The following RASSF5 variants were observed in gnomAD, a reference collection of about 807,000 sequenced individuals.
RASSF5 encodes Ras association domain family member 5.
A neutral mutation model predicts 40.5 loss-of-function variants in RASSF5; 25 were observed. That is an observed-to-expected ratio of 0.62 (90% CI 0.45 to 0.86). The LOEUF is 0.86. Ranked by LOEUF, RASSF5 falls within the 40% of genes least tolerant of loss-of-function variation. RASSF5 has a pLI of 0.00. For synonymous variants in RASSF5, 246 were observed against 252.4 expected (o/e 0.97, Z 0.24); for missense variants, 521 against 572.8 (o/e 0.91, Z 0.92).
chr1:206,556,641 G>A (rs1667994604), intron 2 of RASSF5, among the ~76,000 whole-genome samples: 1 of 152,218 alleles, frequency 6.6e-6, no homozygotes, highest in Non-Finnish European at 1.5e-5. Flanking sequence ...CTATGGGTGG[G>A]AAGGCAGCTT....
rs1320988501 is a variant in RASSF5 at position 206,588,116 on chromosome 1, C to G, written c.*1138C>G. The G allele has an allele frequency of 6.5e-6, 1 of 152,800 alleles. No homozygotes were observed. The highest frequency in any genetic ancestry group is 1.5e-5 in the Non-Finnish European group (1 of 68,064). The allele number at this position is 152,800 out of a possible 1,614,324, so 9.5% of individuals were successfully genotyped here. ...GGAGAGCCGGTGGGCCTGGCCTCCC[C>G]GTCGACCTCAGTGCCTTTTTGTTTT... On this transcript the variant is annotated 3_prime_UTR_variant, in exon 6 of 6. Coordinates refer to ENST00000579436, the MANE Select transcript of RASSF5 (RefSeq NM_182663.4).
rs782715688 is a variant in RASSF5, at chr1:206,535,722, GTGT to G, written c.458-2449_458-2447del. Among the ~76,000 whole-genome samples, 1 of 45,388 alleles carries G rather than the reference GTGT, an allele frequency of 2.2e-5. No homozygotes were observed. The highest frequency in any genetic ancestry group is 6.6e-5 in the Non-Finnish European group (1 of 15,166). The allele number at this position is 45,388 out of a possible 152,430, so 29.8% of individuals were successfully genotyped here. A position where few individuals can be genotyped will look rare whatever the true frequency, so the allele number is the denominator to read the frequency against. ...GTGTGTCTGTGTGTGTGTGGTGTGT[GTGT>G]GTGTGTGTGTGTGTGTGTGAGAGAG... On this transcript the variant is annotated intron_variant, in intron 1 of 5. Transcript: ENST00000579436. The surrounding 1 kb of genome is among the most constrained non-coding windows in gnomAD (Gnocchi z 5.0).
rs557108539 is a variant in RASSF5 at position 206,507,715 on chromosome 1, C to A, written c.113C>A (p.Pro38His). The change falls in exon 1 of 6, where the codon CCC (proline) becomes CAC (histidine). Residue 38 changes from proline to histidine, a missense_variant. Physicochemically the swap from Pro to His is moderately conservative, Grantham distance 77. Around this residue, in one of 2 missense-constraint regions of RASSF5, gnomAD observed 237 missense variants for 212.0 expected, o/e 1.12. Coordinates refer to ENST00000579436, the MANE Select transcript of RASSF5 (RefSeq NM_182663.4). ...LSGPELPPPP[P>H]DRSSRLCVPA... is the part of the protein sequence containing the mutation. ...GGCCCCGAGCTACCGCCGCCGCCCC[C>A]CGACCGGTCCTCGCGCCTCTGTGTC... 12 of 1,486,834 alleles carry A rather than the reference C, an allele frequency of 8.1e-6. 1 individual carries two copies. The South Asian group carries it at 1.3e-4, about 16-fold the overall frequency. The allele number at this position is 1,486,834 out of a possible 1,614,324, so 92.1% of individuals were successfully genotyped here.
At chr1:206,557,600 TGGGTA>T (rs1668026373) in intron 2 of RASSF5, 2 of 1,614,198 alleles carry the variant, frequency 1.2e-6, no homozygotes, top group East Asian at 4.5e-5. Context: ...GCATGAGCAG[TGGGTA>T]CTGCAGCCTG....
rs1473954345 is a variant in RASSF5 at position 206,535,564 on chromosome 1, T to A, written c.458-2608T>A. Reference sequence around the variant, plus strand: ...CAGAGGTTTTGCTGCAGCCTGTGATTACATGGTCCGATGGAACAAAGTCTT... The same window carrying A: ...CAGAGGTTTTGCTGCAGCCTGTGATAACATGGTCCGATGGAACAAAGTCTT... On this transcript the variant is annotated intron_variant, in intron 1 of 5. Coordinates refer to ENST00000579436, the MANE Select transcript of RASSF5 (RefSeq NM_182663.4). This position sits in a 1 kb window ranked among gnomAD's most constrained non-coding sequence, Gnocchi z 5.0. Among the ~76,000 whole-genome samples the A allele has an allele frequency of 6.6e-6, 1 of 152,188 alleles. No individual in the cohort carries two copies. Among genetic ancestry groups the A allele is most frequent in the Non-Finnish European group, 1.5e-5 (1 of 68,022 alleles).
chr1:206,532,849 G>C (rs779836232), intron 1 of RASSF5, among the ~76,000 whole-genome samples: 6 of 152,120 alleles, frequency 3.9e-5, no homozygotes, highest in African/African-American at 1.2e-4. Context: ...CATGCAACTC[G>C]GGTGAAAGGG....
chr1:206,578,233 A>AGAGTGT (rs782121565), intron 2 of RASSF5, among the ~76,000 whole-genome samples: 8 of 117,494 alleles, frequency 6.8e-5, no homozygotes, highest in African/African-American at 2.2e-4. Flanking sequence ...AAAAAAAAAA[A>AGAGTGT]GTGTGTGTGT....
intron 1 of RASSF5, among the ~76,000 whole-genome samples, chr1:206,511,243 T>C (rs181297139): frequency 6.6e-6 from 1 of 151,870 alleles, no homozygotes; most frequent in Admixed American, 6.6e-5. Context: ...GGGGTAGGGG[T>C]GATGGTGATG....
chr1:206,558,892 G>T (rs1025692683), intron 2 of RASSF5, among the ~76,000 whole-genome samples: 1 of 152,128 alleles, frequency 6.6e-6, no homozygotes, highest in Non-Finnish European at 1.5e-5. Context: ...GCTGTAGGTG[G>T]GGCTCCTGCA....
chr1:206,574,400 G>A (rs1221789013), intron 2 of RASSF5, among the ~76,000 whole-genome samples: 3 of 152,182 alleles, frequency 2.0e-5, no homozygotes, highest in Non-Finnish European at 2.9e-5. Flanking sequence ...TGCCTTTCAC[G>A]ATCCTCACCC....
chr1:206,541,552 A>T (rs1667545506), intron 2 of RASSF5, among the ~76,000 whole-genome samples: 1 of 152,150 alleles, frequency 6.6e-6, no homozygotes, highest in Non-Finnish European at 1.5e-5. Flanking sequence ...CACAGAAATG[A>T]GGGTTTTGGA....
At chr1:206,548,958 T>C (rs1667768035) in intron 2 of RASSF5, among the ~76,000 whole-genome samples, 1 of 152,138 alleles carries the variant, frequency 6.6e-6, no homozygotes, top group South Asian at 2.1e-4. Flanking sequence ...CTCTGTCTCC[T>C]GGGTCCAAGT....
chr1:206,561,031 C>A (rs1668122892), intron 2 of RASSF5, among the ~76,000 whole-genome samples: 1 of 152,206 alleles, frequency 6.6e-6, no homozygotes, highest in African/African-American at 2.4e-5. Flanking sequence ...AAGGCTTTGA[C>A]ATCTGAGCGG....
At chr1:206,544,826 C>A (rs77467582) in intron 2 of RASSF5, 13 of 152,246 alleles carry the variant, frequency 8.5e-5, no homozygotes, top group African/African-American at 2.9e-4. Flanking sequence ...GGCTCCCAGT[C>A]CTTTGCTCCC....
At chr1:206,554,625 T>G (rs1267973405) in intron 2 of RASSF5, among the ~76,000 whole-genome samples, 1 of 152,174 alleles carries the variant, frequency 6.6e-6, no homozygotes, top group Non-Finnish European at 1.5e-5. Context: ...CCTTAAAGGC[T>G]CTTGCTCAGA....
intron 1 of RASSF5, among the ~76,000 whole-genome samples, chr1:206,528,358 T>A (rs936219457): frequency 2.0e-5 from 3 of 152,136 alleles, no homozygotes; most frequent in Non-Finnish European, 2.9e-5. Flanking sequence ...CTGGAAAAGA[T>A]AAATCTATGG....
intron 2 of RASSF5, among the ~76,000 whole-genome samples, chr1:206,541,355 G>T (rs1297350295): frequency 6.6e-6 from 1 of 152,160 alleles, no homozygotes; most frequent in Non-Finnish European, 1.5e-5. Context: ...CATTTCAAAA[G>T]CAACAATCCC....
intron 1 of RASSF5, among the ~76,000 whole-genome samples, chr1:206,537,888 G>A (rs1221644983): frequency 1.3e-5 from 2 of 152,190 alleles, no homozygotes; most frequent in Non-Finnish European, 2.9e-5. Flanking sequence ...TCAGTCTCTA[G>A]GCACTGATTT....
chr1:206,525,169 G>T (rs1238633307), intron 1 of RASSF5, among the ~76,000 whole-genome samples: 10 of 152,156 alleles, frequency 6.6e-5, no homozygotes, highest in Admixed American at 6.6e-4. Context: ...TCAGCCTAGG[G>T]ATGTGTGGTT....
Sources: allele counts gnomAD v4.1 joint callset (sites outside exome capture counted in the v4.1 genomes callset), GRCh38; gene constraint gnomAD v4.1.1; regional missense constraint gnomAD v4.1.1; non-coding constraint Gnocchi (gnomAD v3.1); transcripts MANE v1.5; gene names NCBI Gene and HGNC (gene_info 2026-07-23, HGNC 2026-07-21).